SLC12A1: variants seen among roughly 807,000 people sequenced by gnomAD.
SLC12A1 encodes the protein Na-K-2Cl cotransporter.
Under a neutral mutation model 130.4 loss-of-function variants are expected in SLC12A1, and 89 were observed. The ratio of observed to expected loss-of-function variants is 0.68; its 90% CI spans 0.58 to 0.81. The LOEUF is 0.81. Ranked by LOEUF, SLC12A1 falls within the 40% of genes least tolerant of loss-of-function variation. The pLI is 0.00. For synonymous variants in SLC12A1, 499 were observed against 460.0 expected (o/e 1.08, Z -1.09); for missense variants, 1,310 against 1,336.4 (o/e 0.98, Z 0.31).
chr15:48,286,741 T>A (rs2141113062), intron 21 of SLC12A1, among the ~76,000 whole-genome samples: 1 of 152,366 alleles, frequency 6.6e-6, no homozygotes, highest in South Asian at 2.1e-4. Context: ...ACTGTTTTAA[T>A]ACCTAGAAGT....
chr15:48,270,319 A>G (rs1159835371), intron 19 of SLC12A1, among the ~76,000 whole-genome samples: 1 of 152,208 alleles, frequency 6.6e-6, no homozygotes, highest in African/African-American at 2.4e-5. Context: ...GATGTAAGTA[A>G]TAATGATAGA....
In SLC12A1 at chr15:48,303,632, A is replaced by G. The variant is rs532167790; in HGVS notation, c.*747A>G. 3.3e-5 allele frequency: 5 copies of G among 152,354 alleles called. No individual in the cohort carries two copies. The East Asian group carries it at 9.6e-4, about 29-fold the overall frequency. 9.4% of individuals were successfully genotyped at this position (152,354 alleles called of 1,614,324 possible). On this transcript the variant is annotated 3_prime_UTR_variant, in exon 27 of 27. Transcript: ENST00000380993. ...AAATGAAATATATTCTATTCTCAATATATAAACTTTAATTGTACTCCCTAT... is the reference window on the plus strand; with the variant it reads ...AAATGAAATATATTCTATTCTCAATGTATAAACTTTAATTGTACTCCCTAT...
chr15:48,240,054 TATATATATATATATATCC>T lies in SLC12A1; in HGVS notation c.1216-1444_1216-1427del, dbSNP rs1567316967. ...CCATATATATATATATATATCCATA[TATATATATATATATATCC>T]ATATATATATATATATATCCATATA... On this transcript the variant is annotated intron_variant, in intron 9 of 26. Coordinates refer to ENST00000380993, the MANE Select transcript of SLC12A1 (RefSeq NM_000338.3). 7.9e-3 allele frequency among the ~76,000 whole-genome samples: 635 copies of T among 80,770 alleles called. 44 individuals are homozygous for T. The highest frequency in any genetic ancestry group is 0.035 in the African/African-American group (601 of 17,338). The allele number at this position is 80,770 out of a possible 152,430, so 53.0% of individuals were successfully genotyped here.
rs148459080 is a variant in SLC12A1, at chr15:48,230,557, A to C, written c.975+54A>C. 695 of 1,101,114 alleles carry C rather than the reference A, an allele frequency of 6.3e-4. 7 individuals are homozygous for C. In the East Asian group the frequency reaches 0.017, roughly 27 times the overall value. The allele number at this position is 1,101,114 out of a possible 1,614,324, so 68.2% of individuals were successfully genotyped here. A position where few individuals can be genotyped will look rare whatever the true frequency, so the allele number is the denominator to read the frequency against. On this transcript the variant is annotated intron_variant, in intron 7 of 26. Coordinates refer to ENST00000380993, the MANE Select transcript of SLC12A1 (RefSeq NM_000338.3). ...CAGTGGCTGGTCAGGTCCTGAACAA[A>C]TTGCAGGAGTAGAGGGAACTCCATA... is the stretch of plus-strand genomic sequence containing the variant.
At chr15:48,255,678 T>G in intron 15 of SLC12A1, 133 bp from the exon 16 acceptor site, 1 of 621,480 alleles carries the variant, frequency 1.6e-6, no homozygotes, top group Non-Finnish European at 2.9e-6. Context: ...ACACTATATT[T>G]TCTCTAATTT....
chr15:48,231,150 T>A (rs764926060), intron 7 of SLC12A1, among the ~76,000 whole-genome samples: 3 of 152,180 alleles, frequency 2.0e-5, no homozygotes, highest in Non-Finnish European at 2.9e-5. Context: ...AGCCAAAGCC[T>A]CCCACCTATA....
At chr15:48,287,269 G>C (rs900460046) in intron 21 of SLC12A1, among the ~76,000 whole-genome samples, 1 of 151,970 alleles carries the variant, frequency 6.6e-6, no homozygotes, top group Non-Finnish European at 1.5e-5. Flanking sequence ...TCCATGTTAG[G>C]GTAGAAATCA....
intron 17 of SLC12A1, among the ~76,000 whole-genome samples, chr15:48,262,514 C>T (rs972922802): frequency 6.6e-6 from 1 of 152,076 alleles, no homozygotes; most frequent in African/African-American, 2.4e-5. Context: ...TTCCAACTAT[C>T]CAGCTAACTC....
At chr15:48,301,243 G>C in intron 25 of SLC12A1, 72 bp from the exon 26 acceptor site, 1 of 1,037,546 alleles carries the variant, frequency 9.6e-7, no homozygotes, top group Non-Finnish European at 1.5e-6. Context: ...GCTTGTTCAT[G>C]ATTTAAGAAA....
intron 2 of SLC12A1, among the ~76,000 whole-genome samples, chr15:48,209,084 G>A (rs992822334): frequency 2.0e-5 from 3 of 152,116 alleles, no homozygotes; most frequent in East Asian, 3.9e-4. Context: ...TTTTTGAGAC[G>A]AAGTATCGCT....
intron 20 of SLC12A1, among the ~76,000 whole-genome samples, chr15:48,280,815 A>G (rs946936920): frequency 6.6e-6 from 1 of 151,850 alleles, no homozygotes; most frequent in Non-Finnish European, 1.5e-5. Flanking sequence ...CACTTCTTTC[A>G]AACATTGTCT....
At chr15:48,276,062 T>C (rs6493318) in intron 20 of SLC12A1, among the ~76,000 whole-genome samples, 49,333 of 151,806 alleles carry the variant, frequency 0.32, 10,268 homozygotes, top group African/African-American at 0.58. Context: ...AAAAGTATTT[T>C]GCAGGTACAA....
intron 21 of SLC12A1, 136 bp downstream of exon 21, chr15:48,285,385 A>C: frequency 1.4e-6 from 1 of 734,814 alleles, no homozygotes; most frequent in Non-Finnish European, 2.2e-6. Context: ...TCTCTCCAGA[A>C]GGTAGTATGG....
chr15:48,298,910 C>A (rs371085190), intron 24 of SLC12A1, among the ~76,000 whole-genome samples: 1 of 152,254 alleles, frequency 6.6e-6, no homozygotes, highest in East Asian at 1.9e-4. Flanking sequence ...GATCTAATAC[C>A]TAATAGGCTA....
intron 4 of SLC12A1, chr15:48,222,562 A>AT (rs1306883306): frequency 6.6e-6 from 1 of 152,016 alleles, no homozygotes; most frequent in African/African-American, 2.4e-5. Context: ...TGTTCAATGG[A>AT]TTTTCCTTTG....
intron 16 of SLC12A1, among the ~76,000 whole-genome samples, chr15:48,258,360 C>CACA (rs2041732602): frequency 3.3e-5 from 1 of 30,244 alleles, no homozygotes; most frequent in Non-Finnish European, 4.2e-5. Flanking sequence ...GACTCCGTCT[C>CACA]AAAAAAAAAA....
At chr15:48,251,470 G>A in intron 14 of SLC12A1, 145 bp from the exon 15 acceptor site, 1 of 679,684 alleles carries the variant, frequency 1.5e-6, no homozygotes, top group South Asian at 1.8e-5. Context: ...CAAGACCATA[G>A]GAAAATAATC....
intron 13 of SLC12A1, among the ~76,000 whole-genome samples, chr15:48,249,209 T>G (rs143718314): frequency 6.6e-6 from 1 of 152,224 alleles, no homozygotes; most frequent in African/African-American, 2.4e-5. Flanking sequence ...TTAACTAATA[T>G]CCTGCAGAGC....
At chr15:48,220,321 CTT>C (rs889669375) in intron 2 of SLC12A1, among the ~76,000 whole-genome samples, 1 of 152,036 alleles carries the variant, frequency 6.6e-6, no homozygotes. Context: ...GCCCTTCTCT[CTT>C]TTGTTTCTCT....
Sources: gnomAD v4.1 joint callset for allele counts (sites outside exome capture counted in the v4.1 genomes callset) on GRCh38, gnomAD v4.1.1 for gene constraint, MANE v1.5 for transcripts, NCBI Gene and HGNC (gene_info 2026-07-23, HGNC 2026-07-21) for gene names.